CACNG3: variants seen among roughly 807,000 people sequenced by gnomAD.
The protein encoded by CACNG3 is voltage-dependent calcium channel gamma-3 subunit.
In CACNG3, 3 loss-of-function variants were observed where a neutral mutation model predicts 28.5. The ratio of observed to expected loss-of-function variants is 0.11; its 90% CI spans 0.05 to 0.27. The LOEUF (loss-of-function observed/expected upper bound fraction) is 0.27, where lower values mean the gene tolerates loss of function less well. Ranked by LOEUF, CACNG3 falls within the 10% of genes least tolerant of loss-of-function variation. The pLI is 1.00. For synonymous variants in CACNG3, 174 were observed against 162.2 expected, an observed-to-expected ratio of 1.07 and a Z score of -0.55; for missense variants, 236 against 414.4, an observed-to-expected ratio of 0.57 and a Z score of 3.74.
intron 2 of CACNG3, among the ~76,000 whole-genome samples, chr16:24,351,620 A>AGGGGAG (rs1311789992): frequency 0.035 from 2,371 of 68,308 alleles, 112 homozygotes; most frequent in African/African-American, 0.12. Flanking sequence ...GGGAAGGGGA[A>AGGGGAG]GGAGGGGAAG....
intron 1 of CACNG3, among the ~76,000 whole-genome samples, chr16:24,325,480 A>C (rs890226586): frequency 6.6e-6 from 1 of 152,240 alleles, no homozygotes; most frequent in African/African-American, 2.4e-5. Context: ...CCCAAGTCCT[A>C]GGAGCCAGAC....
intron 1 of CACNG3, among the ~76,000 whole-genome samples, chr16:24,263,464 A>C (rs977109335): frequency 3.3e-5 from 5 of 152,246 alleles, no homozygotes; most frequent in Non-Finnish European, 2.9e-5. Flanking sequence ...ACAGAACTGT[A>C]GAAAACCCCA....
intron 1 of CACNG3, among the ~76,000 whole-genome samples, chr16:24,343,396 C>T (rs1440172489): frequency 6.6e-6 from 1 of 152,228 alleles, no homozygotes; most frequent in East Asian, 1.9e-4. Flanking sequence ...TCCATCTTCA[C>T]CTGAACACTT....
intron 1 of CACNG3, among the ~76,000 whole-genome samples, chr16:24,291,997 G>C (rs907631376): frequency 3.3e-5 from 5 of 152,006 alleles, no homozygotes; most frequent in African/African-American, 1.2e-4. Context: ...ATGAGCCAGT[G>C]GGGAGAGAGA....
intron 1 of CACNG3, among the ~76,000 whole-genome samples, chr16:24,281,960 TA>T (rs1898834672): frequency 6.6e-6 from 1 of 152,090 alleles, no homozygotes. Context: ...CCACAGATGG[TA>T]AAAGATGGAG....
chr16:24,351,607 A>AAGGGGAAGGGGAAGG (rs1899940757), intron 2 of CACNG3, among the ~76,000 whole-genome samples: 1 of 97,830 alleles, frequency 1.0e-5, no homozygotes, highest in African/African-American at 4.3e-5. Flanking sequence ...GGGGAAGGGG[A>AAGGGGAAGGGGAAGG]AGGGGAAGGG....
intron 1 of CACNG3, among the ~76,000 whole-genome samples, chr16:24,306,328 A>G (rs553254387): frequency 4.6e-5 from 7 of 152,292 alleles, no homozygotes; most frequent in African/African-American, 1.7e-4. Context: ...AAGTGACCAT[A>G]CTGAACAAGG....
intron 1 of CACNG3, among the ~76,000 whole-genome samples, chr16:24,267,429 A>G (rs1383694462): frequency 1.3e-5 from 2 of 152,132 alleles, no homozygotes; most frequent in Admixed American, 1.3e-4. Flanking sequence ...CTGCGACTAC[A>G]GGCACATGCC....
At chr16:24,317,623 A>AC (rs1567217511) in intron 1 of CACNG3, among the ~76,000 whole-genome samples, 6 of 58,008 alleles carry the variant, frequency 1.0e-4, no homozygotes, top group East Asian at 4.1e-4. Context: ...AGAAAGAAAG[A>AC]AAGACAGACA....
At chr16:24,297,987 C>CTGTGTGTGTGTGTG (rs55859502) in intron 1 of CACNG3, among the ~76,000 whole-genome samples, 1 of 149,080 alleles carries the variant, frequency 6.7e-6, no homozygotes, top group African/African-American at 2.5e-5. Context: ...TTCAAAAGAT[C>CTGTGTGTGTGTGTG]TGTGTGTGTG....
chr16:24,327,643 A>G (rs1456357533), intron 1 of CACNG3, among the ~76,000 whole-genome samples: 10 of 150,544 alleles, frequency 6.6e-5, no homozygotes, highest in Non-Finnish European at 1.5e-5. Flanking sequence ...ACAAAACAAA[A>G]CAAAACAAAA....
At chr16:24,268,455 A>G (rs1192532902) in intron 1 of CACNG3, among the ~76,000 whole-genome samples, 1 of 152,218 alleles carries the variant, frequency 6.6e-6, no homozygotes, top group African/African-American at 2.4e-5. Flanking sequence ...TCCTGTGTCA[A>G]GGAGAGCTCA....
chr16:24,264,236 G>A (rs1898570074), intron 1 of CACNG3, among the ~76,000 whole-genome samples: 1 of 152,250 alleles, frequency 6.6e-6, no homozygotes, highest in Non-Finnish European at 1.5e-5. Flanking sequence ...GAGGGGTCGA[G>A]TAGGGGCTGA....
At chr16:24,291,193 T>A (rs1436891436) in intron 1 of CACNG3, among the ~76,000 whole-genome samples, 2 of 152,132 alleles carry the variant, frequency 1.3e-5, no homozygotes, top group Non-Finnish European at 2.9e-5. Context: ...TGGCACATAG[T>A]TAGCCCTCAA....
At chr16:24,295,572 TGTGGTG>T (rs1317721151) in intron 1 of CACNG3, among the ~76,000 whole-genome samples, 1 of 152,118 alleles carries the variant, frequency 6.6e-6, no homozygotes, top group Non-Finnish European at 1.5e-5. Flanking sequence ...TAATGCCAGG[TGTGGTG>T]GCTCATGTCT....
chr16:24,265,398 GAAAGAA>G (rs1898594628), intron 1 of CACNG3, among the ~76,000 whole-genome samples: 1 of 141,026 alleles, frequency 7.1e-6, no homozygotes, highest in African/African-American at 2.7e-5. Flanking sequence ...AAAGAAGAAA[GAAAGAA>G]AAAGAAAGAA....
At chr16:24,340,876 C>T (rs953981496) in intron 1 of CACNG3, among the ~76,000 whole-genome samples, 1 of 152,220 alleles carries the variant, frequency 6.6e-6, no homozygotes, top group Admixed American at 6.5e-5. Context: ...TCACCTGTAA[C>T]CACCGGATCC....
At chr16:24,355,090 A>G in intron 3 of CACNG3, 117 bp downstream of exon 3, 1 of 998,782 alleles carries the variant, frequency 1.0e-6, no homozygotes, top group Non-Finnish European at 1.5e-6. Context: ...AAAATGTTCC[A>G]GTTGTGCTAA....
chr16:24,331,411 C>T (rs924658028), intron 1 of CACNG3, among the ~76,000 whole-genome samples: 1 of 152,130 alleles, frequency 6.6e-6, no homozygotes, highest in Non-Finnish European at 1.5e-5. Context: ...TAAGGCAGTA[C>T]CCTCTCTCGA....
Sources: gnomAD v4.1 joint callset for allele counts (sites outside exome capture counted in the v4.1 genomes callset) on GRCh38, gnomAD v4.1.1 for gene constraint, MANE v1.5 for transcripts, NCBI Gene and HGNC (gene_info 2026-07-23, HGNC 2026-07-21) for gene names.